Variants in GRAMD2B observed in about 807,000 individuals in gnomAD.
GRAMD2B encodes GRAM domain-containing protein 2B.
In GRAMD2B, 41 loss-of-function variants were observed where a neutral mutation model predicts 59.2. The observed-to-expected ratio is 0.69, with a 90% CI of 0.54 to 0.90. The LOEUF is 0.90. GRAMD2B is among the 40% of genes least tolerant of loss of function. The pLI, the probability that GRAMD2B is intolerant of heterozygous loss-of-function variation, is 0.00. For missense variants in GRAMD2B, 424 were observed against 500.5 expected (o/e 0.85, Z 1.46); for synonymous variants, 161 against 182.7 (o/e 0.88, Z 0.96).
chr5:126,393,736 A>G (rs1477560014), intron 1 of GRAMD2B, among the ~76,000 whole-genome samples: 1 of 152,202 alleles, frequency 6.6e-6, no homozygotes, highest in East Asian at 1.9e-4. Context: ...GGTTTTACTA[A>G]GAATAAAATG....
At chr5:126,483,246 G>A (rs1228127163) in intron 8 of GRAMD2B, among the ~76,000 whole-genome samples, 3 of 152,132 alleles carry the variant, frequency 2.0e-5, no homozygotes, top group African/African-American at 2.4e-5. Context: ...GAACGAGTTG[G>A]CCAGTGTTTG....
chr5:126,422,451 G>C (rs148219963), upstream of GRAMD2B, among the ~76,000 whole-genome samples: 1 of 152,092 alleles, frequency 6.6e-6, no homozygotes, highest in South Asian at 2.1e-4. Context: ...CACCCGCCTC[G>C]GCCTCCCAAA....
intron 1 of GRAMD2B, among the ~76,000 whole-genome samples, chr5:126,384,895 A>G (rs556299130): frequency 1.3e-5 from 2 of 152,370 alleles, no homozygotes; most frequent in Non-Finnish European, 2.9e-5. Flanking sequence ...TATCTTCGGT[A>G]TAACATTCAT....
chr5:126,449,418 T>C (rs547316706), intron 1 of GRAMD2B, among the ~76,000 whole-genome samples: 2 of 152,332 alleles, frequency 1.3e-5, no homozygotes, highest in East Asian at 3.9e-4. Flanking sequence ...ACCACATGGA[T>C]AACTTCTAAG....
At chr5:126,417,841 A>G (rs1439994729) in intron 1 of GRAMD2B, among the ~76,000 whole-genome samples, 1 of 152,144 alleles carries the variant, frequency 6.6e-6, no homozygotes, top group Non-Finnish European at 1.5e-5. Context: ...TCACTCTCCT[A>G]CAACCCTAAA....
chr5:126,431,692 G>T (rs1333946798), intron 1 of GRAMD2B, among the ~76,000 whole-genome samples: 1 of 152,300 alleles, frequency 6.6e-6, no homozygotes, highest in Non-Finnish European at 1.5e-5. Flanking sequence ...TGGAGAAAGT[G>T]AGTAAAGAGA....
At chr5:126,480,756 C>G in intron 8 of GRAMD2B, 49 bp downstream of exon 8, 1 of 1,484,522 alleles carries the variant, frequency 6.7e-7, no homozygotes, top group South Asian at 1.1e-5. Context: ...GGAATATGTC[C>G]CACAATTACA....
At chr5:126,458,806 T>C (rs777231035) in intron 1 of GRAMD2B, 4 of 152,194 alleles carry the variant, frequency 2.6e-5, no homozygotes, top group Admixed American at 2.6e-4. Context: ...TTAAATCTAG[T>C]GTTTTCGGAA....
intron 1 of GRAMD2B, among the ~76,000 whole-genome samples, chr5:126,446,267 G>T (rs1299370627): frequency 6.6e-6 from 1 of 152,154 alleles, no homozygotes; most frequent in Admixed American, 6.5e-5. Context: ...TCTGGGATTT[G>T]TCTCAAAACC....
At chr5:126,430,297 A>G (rs930608126) in intron 1 of GRAMD2B, among the ~76,000 whole-genome samples, 1 of 152,182 alleles carries the variant, frequency 6.6e-6, no homozygotes, top group Non-Finnish European at 1.5e-5. Flanking sequence ...CACTCCACGT[A>G]TGTCAAAGAT....
exon 1 of GRAMD2B, chr5:126,371,427 G>T: frequency 1.6e-6 from 2 of 1,277,980 alleles, no homozygotes; most frequent in Non-Finnish European, 1.0e-6. Flanking sequence ...TTGACTTGCG[G>T]GTCAATAAGC....
At position 126,483,534 on chromosome 5, in the gene GRAMD2B, C is replaced by T; in HGVS notation, c.807C>T (p.Ser269=). The change falls in exon 9 of 14, where the codon AGC becomes AGT. Residue 269 remains serine (S), a synonymous_variant. Transcript: ENST00000285689. ...QQRRQDMEGY[S]SSGSQTPESE... ...GAAGGCAAGACATGGAAGGATATAGCAGTTCTGGTTCTCAAACTCCTGAAT... is the reference window on the plus strand; with the variant it reads ...GAAGGCAAGACATGGAAGGATATAGTAGTTCTGGTTCTCAAACTCCTGAAT... 1.2e-6 allele frequency: 2 copies of T among 1,611,966 alleles called. No individual in the cohort carries two copies. The highest frequency in any genetic ancestry group is 1.7e-6 in the Non-Finnish European group (2 of 1,178,446).
In GRAMD2B at chr5:126,376,599, C is replaced by A. The variant is rs533904931; in HGVS notation, c.125+5032C>A. Among the ~76,000 whole-genome samples the A allele has an allele frequency of 3.9e-5, 6 of 152,318 alleles. No individual in the cohort carries two copies. The South Asian group carries it at 1.2e-3, about 32-fold the overall frequency. ...ACCAGATGAACAGGAACACAGCAGA[C>A]ACTGTGCCATGACCCATTTTCACTA... is the stretch of plus-strand genomic sequence containing the variant. On this transcript the variant is annotated intron_variant, in intron 1 of 8. Coordinates refer to the GRAMD2B transcript ENST00000506445.
At chr5:126,373,536 A>G (rs540758081) in intron 1 of GRAMD2B, among the ~76,000 whole-genome samples, 1 of 152,358 alleles carries the variant, frequency 6.6e-6, no homozygotes, top group Non-Finnish European at 1.5e-5. Context: ...CAGGCTATGT[A>G]CAAGGCACAG....
intron 1 of GRAMD2B, among the ~76,000 whole-genome samples, chr5:126,431,234 C>T (rs868144345): frequency 1.1e-4 from 17 of 152,112 alleles, no homozygotes; most frequent in Middle Eastern, 3.4e-3. Context: ...TTGAACTTGG[C>T]GACTTGAAGC....
intron 1 of GRAMD2B, among the ~76,000 whole-genome samples, chr5:126,447,205 T>C (rs571760192): frequency 7.6e-4 from 116 of 152,342 alleles, no homozygotes; most frequent in Non-Finnish European, 1.4e-3. Context: ...TTTAGTCTAC[T>C]GAATTATGGG....
chr5:126,484,328 A>G, intron 9 of GRAMD2B, 74 bp from the exon 10 acceptor site: 2 of 1,514,586 alleles, frequency 1.3e-6, no homozygotes, highest in African/African-American at 1.4e-5. Flanking sequence ...TAAGGGATTG[A>G]TTTACTTGGA....
intron 5 of GRAMD2B, among the ~76,000 whole-genome samples, chr5:126,476,189 C>G (rs547498620): frequency 2.0e-5 from 3 of 152,194 alleles, no homozygotes; most frequent in Non-Finnish European, 2.9e-5. Context: ...AGGAGAATCA[C>G]TTGAACCTGG....
At chr5:126,448,852 G>A (rs1764817089) in intron 1 of GRAMD2B, among the ~76,000 whole-genome samples, 1 of 152,218 alleles carries the variant, frequency 6.6e-6, no homozygotes, top group South Asian at 2.1e-4. Flanking sequence ...TTCCTTATTT[G>A]TGAAATGTGG....
Sources: allele counts gnomAD v4.1 joint callset (sites outside exome capture counted in the v4.1 genomes callset), GRCh38; gene constraint gnomAD v4.1.1; transcripts MANE v1.5; gene names NCBI Gene and HGNC (gene_info 2026-07-23, HGNC 2026-07-21).